Variants in CANX observed in about 807,000 individuals in gnomAD.
CANX encodes the protein calnexin.
Under a neutral mutation model 75.7 loss-of-function variants are expected in CANX, and 14 were observed. The observed-to-expected ratio is 0.19, with a 90% CI of 0.12 to 0.29. The LOEUF is 0.29. Among genes scored for constraint, CANX ranks in the 10% least tolerant of loss-of-function variants. CANX has a pLI of 1.00. For synonymous variants in CANX, 227 were observed against 236.9 expected (o/e 0.96, Z 0.38); for missense variants, 567 against 713.2 (o/e 0.79, Z 2.34).
intron 1 of CANX, chr5:179,680,838 C>T (rs1036321058): frequency 6.0e-6 from 9 of 1,511,286 alleles, no homozygotes; most frequent in Admixed American, 2.0e-5. Flanking sequence ...ACTTATCCCT[C>T]ACATATAGGT....
intron 1 of CANX, chr5:179,700,250 A>C (rs377668251): frequency 6.6e-6 from 1 of 152,190 alleles, no homozygotes; most frequent in Non-Finnish European, 1.5e-5. Flanking sequence ...AAAGATTGAG[A>C]GGACAAGATT....
Position 179,719,714 on chromosome 5 carries a change from C to T in CANX, c.958C>T (p.Pro320Ser). The part of the protein sequence containing the change: ...AKIPDEEATK[P>S]EGWLDDEPEY... ...GATTCCAGATGAAGAGGCCACAAAA[C>T]CCGAAGGCTGGTTAGATGATGAGCC... Residue 320 changes from proline to serine, a missense_variant, in exon 9 of 15, where the codon CCC becomes TCC. Pro to Ser is a moderately conservative substitution (Grantham distance 74, BLOSUM62 -1). This residue lies in a region of CANX where 351 missense variants were observed against 433.8 expected (regional missense o/e 0.81). Coordinates refer to ENST00000247461, the MANE Select transcript of CANX (RefSeq NM_001746.4). The T allele has an allele frequency of 6.2e-7, 1 of 1,613,288 alleles. No homozygotes were observed. Among genetic ancestry groups the T allele is most frequent in the Non-Finnish European group, 8.5e-7 (1 of 1,179,610 alleles).
At chr5:179,718,879 G>A (rs753768546) in intron 8 of CANX, among the ~76,000 whole-genome samples, 2 of 151,762 alleles carry the variant, frequency 1.3e-5, no homozygotes, top group African/African-American at 2.4e-5. Flanking sequence ...TGGTCAGGCC[G>A]GTCTTGAACT....
chr5:179,713,167 C>T (rs927576476), intron 7 of CANX, among the ~76,000 whole-genome samples: 1 of 151,844 alleles, frequency 6.6e-6, no homozygotes, highest in Non-Finnish European at 1.5e-5. Context: ...CTGCAGCCTC[C>T]GCTTCCCAGG....
In CANX at chr5:179,709,856, C is replaced by CTTTT. The variant is rs1402281576; in HGVS notation, c.529-14_529-11dup. 5 of 1,527,498 alleles carry CTTTT rather than the reference C, an allele frequency of 3.3e-6. No individual in the cohort carries two copies. Among genetic ancestry groups the CTTTT allele is most frequent in the Admixed American group, 2.2e-5 (1 of 45,334 alleles). 94.6% of individuals were successfully genotyped at this position (1,527,498 alleles called of 1,614,324 possible). A position where few individuals can be genotyped will look rare whatever the true frequency, so the allele number is the denominator to read the frequency against. ...TTGAGTACAGTGACTTCAAATAATC[C>CTTTT]TTTTTTGTTTTTGAAGGATCAGTTC... On this transcript the variant is annotated splice_polypyrimidine_tract_variant and intron_variant, in intron 6 of 14. Transcript: ENST00000247461.
chr5:179,712,117 GT>G (rs766549898), intron 7 of CANX, among the ~76,000 whole-genome samples: 5,539 of 127,736 alleles, frequency 0.043, 261 homozygotes, highest in African/African-American at 0.13. Flanking sequence ...AAAAAAAGGT[GT>G]TTTTTTTTTT....
chr5:179,712,655 C>G (rs1394335150), intron 7 of CANX, among the ~76,000 whole-genome samples: 1 of 149,808 alleles, frequency 6.7e-6, no homozygotes, highest in Non-Finnish European at 1.5e-5. Context: ...AAACTCCCGA[C>G]GTCAGGTGAT....
intron 7 of CANX, among the ~76,000 whole-genome samples, chr5:179,714,891 A>G (rs778978011): frequency 1.3e-5 from 2 of 151,846 alleles, no homozygotes; most frequent in African/African-American, 4.8e-5. Context: ...TAGCCTCCCA[A>G]GTAGTTGGGT....
Position 179,730,482 on chromosome 5 carries a change from G to A in CANX, c.*1838G>A, listed in dbSNP as rs1778929486. 6.6e-6 allele frequency: 1 copy of A among 152,160 alleles called. No individual in the cohort carries two copies. 9.4% of individuals were successfully genotyped at this position (152,160 alleles called of 1,614,324 possible). A position where few individuals can be genotyped will look rare whatever the true frequency, so the allele number is the denominator to read the frequency against. On this transcript the variant is annotated 3_prime_UTR_variant, in exon 15 of 15. Coordinates refer to ENST00000247461, the MANE Select transcript of CANX (RefSeq NM_001746.4). ...AAAATATGTCTGCAGGTTTCTCCTT[G>A]AAGCAAATGTGTGGGATCATTGCAT... is the stretch of plus-strand genomic sequence containing the variant.
intron 1 of CANX, among the ~76,000 whole-genome samples, chr5:179,681,927 G>T (rs1424515523): frequency 7.1e-6 from 1 of 140,278 alleles, no homozygotes; most frequent in Non-Finnish European, 1.5e-5. Context: ...CAGCATGGGC[G>T]ATAGAGACCC....
chr5:179,704,327 A>T (rs1776978562), intron 1 of CANX: 1 of 152,004 alleles, frequency 6.6e-6, no homozygotes, highest in African/African-American at 2.4e-5. Flanking sequence ...AGAGATTGAG[A>T]CTATCCTGGC....
At chr5:179,725,135 A>C (rs1778563252) in intron 13 of CANX, among the ~76,000 whole-genome samples, 1 of 152,122 alleles carries the variant, frequency 6.6e-6, no homozygotes, top group African/African-American at 2.4e-5. Context: ...TGATCCTCCT[A>C]CCTCAGCACC....
intron 12 of CANX, 150 bp from the exon 13 acceptor site, chr5:179,724,507 G>A (rs1778519861): frequency 3.3e-6 from 2 of 609,686 alleles, no homozygotes; most frequent in Non-Finnish European, 6.0e-6. Context: ...GTACATACAC[G>A]CTCTTCAGGG....
upstream of CANX, chr5:179,698,617 G>A (rs1413116022): frequency 3.1e-6 from 4 of 1,284,802 alleles, no homozygotes; most frequent in East Asian, 5.6e-5. Context: ...AGGGCTACTG[G>A]GGGTTGGGTT....
intron 1 of CANX, among the ~76,000 whole-genome samples, chr5:179,684,660 A>G (rs1776152114): frequency 6.6e-6 from 1 of 151,278 alleles, no homozygotes; most frequent in Non-Finnish European, 1.5e-5. Context: ...AATTTTAGCC[A>G]TAGTGGTAGC....
At chr5:179,694,676 G>A (rs1341248481), upstream of CANX, 22 of 739,866 alleles carry the variant, frequency 3.0e-5, no homozygotes, top group Admixed American at 3.3e-4. Context: ...CGAAAGGGAA[G>A]TTTGATGGCT....
chr5:179,728,472 ATTTTCCTCATTT>A (rs1212412554), intron 14 of CANX, 107 bp from the exon 15 acceptor site: 2 of 647,516 alleles, frequency 3.1e-6, no homozygotes, highest in Non-Finnish European at 5.6e-6. Flanking sequence ...TCTTCTCATC[ATTTTCCTCATTT>A]TTTTCCTCAA....
In CANX at chr5:179,730,985, T is replaced by G. The variant is rs1778958354; in HGVS notation, c.*2341T>G. On this transcript the variant is annotated 3_prime_UTR_variant, in exon 15 of 15. Transcript: ENST00000247461. The stretch of plus-strand genomic sequence containing the variant: ...GTGTGTGTGTGTGACTATGTTCAAT[T>G]AGTGGGTTGATCTTCGTATAATTGG... 6.6e-6 allele frequency: 1 copy of G among 152,234 alleles called. No individual in the cohort carries two copies. Among genetic ancestry groups the G allele is most frequent in the South Asian group, 2.1e-4 (1 of 4,834 alleles). 9.4% of individuals were successfully genotyped at this position (152,234 alleles called of 1,614,324 possible). A position where few individuals can be genotyped will look rare whatever the true frequency, so the allele number is the denominator to read the frequency against.
chr5:179,699,133 G>A, intron 1 of CANX, 31 bp downstream of exon 1: 3 of 1,011,046 alleles, frequency 3.0e-6, no homozygotes, highest in African/African-American at 1.7e-5. Context: ...GCGTCCTCGG[G>A]CCTGTGAGGA....
Sources: gnomAD v4.1 joint callset for allele counts (sites outside exome capture counted in the v4.1 genomes callset) on GRCh38, gnomAD v4.1.1 for gene constraint, gnomAD v4.1.1 regional missense constraint, MANE v1.5 for transcripts, NCBI Gene and HGNC (gene_info 2026-07-23, HGNC 2026-07-21) for gene names.